MUC12: variants seen among roughly 807,000 people sequenced by gnomAD.
MUC12 encodes mucin-12.
Under a neutral mutation model 230.8 loss-of-function variants are expected in MUC12, and 172 were observed. That is an observed-to-expected ratio of 0.75 (90% CI 0.66 to 0.85). MUC12 has a LOEUF of 0.85. MUC12 is among the 40% of genes least tolerant of loss of function. MUC12 has a pLI of 0.00. For missense variants in MUC12, 3,506 were observed against 5,920.6 expected (o/e 0.59, Z 13.38); for synonymous variants, 1,259 against 2,401.9 (o/e 0.52, Z 13.91).
intron 1 of MUC12, among the ~76,000 whole-genome samples, chr7:100,984,514 C>T (rs553936268): frequency 6.6e-6 from 1 of 152,122 alleles, no homozygotes; most frequent in Non-Finnish European, 1.5e-5. Context: ...GCCTTGGCCT[C>T]CCAAAGTGCT....
At position 100,993,962 on chromosome 7, in the gene MUC12, T is replaced by A. The variant is rs774091763; in HGVS notation, c.3399T>A (p.Arg1133=). 2 of 1,381,074 alleles carry A rather than the reference T, an allele frequency of 1.4e-6. 1 individual carries two copies. Among genetic ancestry groups the A allele is most frequent in the Non-Finnish European group, 1.9e-6 (2 of 1,053,052 alleles). The allele number at this position is 1,381,074 out of a possible 1,614,324, so 85.6% of individuals were successfully genotyped here. ...TCGGTGAAGAATCCACCACCTCCCG[T>A]AGCCAACCAGGTTCTACTCACTCAA... ...LGVGEESTTS[R]SQPGSTHSTV... The change falls in exon 2 of 12, where the codon CGT becomes CGA. Residue 1133 remains arginine, a synonymous_variant. Coordinates refer to ENST00000536621, the MANE Select transcript of MUC12 (RefSeq NM_001164462.2).
At position 100,995,613 on chromosome 7, in the gene MUC12, G is replaced by C; in HGVS notation, c.5050G>C (p.Gly1684Arg). The change falls in exon 2 of 12, where the codon GGA (glycine) becomes CGA (arginine). Residue 1684 changes from glycine (G) to arginine (R), a missense_variant. Coordinates refer to ENST00000536621, the MANE Select transcript of MUC12 (RefSeq NM_001164462.2). Reference sequence around the variant, plus strand: ...CCCTGCCGGCTCTACAACACGTCAGGGAGAATCTACCACCTTCCAGAGCTG... The same window carrying C: ...CCCTGCCGGCTCTACAACACGTCAGCGAGAATCTACCACCTTCCAGAGCTG... ...LSPAGSTTRQ[G>R]ESTTFQSWPS... 1.3e-6 allele frequency: 2 copies of C among 1,536,898 alleles called. No homozygotes were observed. The highest frequency in any genetic ancestry group is 1.7e-6 in the Non-Finnish European group (2 of 1,147,040).
chr7:100,978,371 A>G (rs1793062176), intron 1 of MUC12, among the ~76,000 whole-genome samples: 1 of 152,188 alleles, frequency 6.6e-6, no homozygotes, highest in Non-Finnish European at 1.5e-5. Flanking sequence ...CAGAATGTGC[A>G]CCTAGAACTG....
At chr7:101,012,184 C>A in intron 5 of MUC12, 112 bp from the exon 6 acceptor site, 2 of 1,171,764 alleles carry the variant, frequency 1.7e-6, no homozygotes, top group Non-Finnish European at 2.4e-6. Flanking sequence ...TATTCTTTCT[C>A]ACCTCTGGGT....
At chr7:100,982,932 GAT>G (rs1328754427) in intron 1 of MUC12, among the ~76,000 whole-genome samples, 3 of 150,814 alleles carry the variant, frequency 2.0e-5, no homozygotes, top group Non-Finnish European at 3.0e-5. Flanking sequence ...ACAGGATCTT[GAT>G]ATGTTGCCCA....
At chr7:100,971,835 G>A (rs1298946359) in intron 1 of MUC12, among the ~76,000 whole-genome samples, 11 of 152,306 alleles carry the variant, frequency 7.2e-5, no homozygotes, top group African/African-American at 1.7e-4. Flanking sequence ...TGATGACAGC[G>A]ATGATGAAGG....
In MUC12 at chr7:101,006,526, C is replaced by T. The variant is rs1460174656; in HGVS notation, c.15012C>T (p.Gly5004=). 1.3e-5 allele frequency: 20 copies of T among 1,537,216 alleles called. No individual in the cohort carries two copies. Among genetic ancestry groups the T allele is most frequent in the Non-Finnish European group, 1.7e-5 (20 of 1,146,904 alleles). Residue 5004 remains glycine, a synonymous_variant, in exon 3 of 12, where the codon GGC becomes GGT. Transcript: ENST00000536621. ...WNGKQCVCPQ[G]YVGYQCLSPL... ...GAAAACAATGCGTCTGTCCCCAAGGCTACGTTGGTTACCAGTGCTTGTCCC... is the reference window on the plus strand; with the variant it reads ...GAAAACAATGCGTCTGTCCCCAAGGTTACGTTGGTTACCAGTGCTTGTCCC...
Position 100,991,005 on chromosome 7 carries a change from G to T in MUC12, c.442G>T (p.Asp148Tyr), listed in dbSNP as rs561595253. 3 of 1,537,830 alleles carry T rather than the reference G, an allele frequency of 2.0e-6. No individual in the cohort carries two copies. Among genetic ancestry groups the T allele is most frequent in the Admixed American group, 3.9e-5 (2 of 50,990 alleles). The change falls in exon 2 of 12, where the codon GAC becomes TAC. Residue 148 changes from aspartate (D) to tyrosine (Y), a missense_variant. Asp to Tyr is a radical substitution (Grantham distance 160, BLOSUM62 -3). Coordinates refer to ENST00000536621, the MANE Select transcript of MUC12 (RefSeq NM_001164462.2). The stretch of plus-strand genomic sequence containing the variant: ...CTTCTACAGTAGCCCCAGATCACCA[G>T]ACAGAACACTCTCACCTGCCCGCAC... ...TTFYSSPRSPDRTLSPARTTS... is the reference protein window; with the variant it reads ...TTFYSSPRSPYRTLSPARTTS...
In MUC12 at chr7:101,005,512, A is replaced by G; in HGVS notation, c.14949A>G (p.Leu4983=). ...TIVSTESLET[L]APGLCQEGQI... Reference sequence around the variant, plus strand: ...TGTCTACTGAAAGCCTGGAAACCTTAGCACCAGGTACTGCTCTTTCCATTT... The same window carrying G: ...TGTCTACTGAAAGCCTGGAAACCTTGGCACCAGGTACTGCTCTTTCCATTT... Residue 4983 remains leucine (L), a synonymous_variant, in exon 2 of 12, where the codon TTA becomes TTG. Transcript: ENST00000536621. 6.5e-7 allele frequency: 1 copy of G among 1,536,330 alleles called. No homozygotes were observed. The highest frequency in any genetic ancestry group is 2.4e-5 in the East Asian group (1 of 40,902).
chr7:101,010,502 A>G (rs904081412), intron 5 of MUC12, among the ~76,000 whole-genome samples: 1 of 151,884 alleles, frequency 6.6e-6, no homozygotes, highest in African/African-American at 2.4e-5. Context: ...GTGCTTGGCT[A>G]ATTTTTGTAA....
intron 9 of MUC12, among the ~76,000 whole-genome samples, chr7:101,015,022 T>A (rs1164328519): frequency 6.6e-6 from 1 of 152,188 alleles, no homozygotes; most frequent in African/African-American, 2.4e-5. Flanking sequence ...AGCACCTTCA[T>A]GACCTAATCA....
Position 100,969,692 on chromosome 7 carries a change from GAGTGCTCCTGGGCTGATGCTCCAGGTCC to G in MUC12, c.67+16_67+43del. 2 of 1,537,364 alleles carry G rather than the reference GAGTGCTCCTGGGCTGATGCTCCAGGTCC, an allele frequency of 1.3e-6. No individual in the cohort carries two copies. The highest frequency in any genetic ancestry group is 1.4e-5 in the African/African-American group (1 of 73,200). On this transcript the variant is annotated splice_donor_5th_base_variant and intron_variant, in intron 1 of 11. Transcript: ENST00000536621. ...GTCCGTTACTACAGTGACACCAGGT[GAGTGCTCCTGGGCTGATGCTCCAGGTCC>G]AGTGCTCCTGGGTGGTAATAGTACA...
intron 1 of MUC12, among the ~76,000 whole-genome samples, chr7:100,990,021 A>G (rs917795822): frequency 4.6e-5 from 7 of 152,326 alleles, no homozygotes; most frequent in African/African-American, 1.4e-4. Flanking sequence ...AATTACAGTC[A>G]AGACTCAGAA....
chr7:100,972,015 C>G (rs1309139458), intron 1 of MUC12: 3 of 700,986 alleles, frequency 4.3e-6, no homozygotes, highest in Non-Finnish European at 7.8e-6. Context: ...TATCTATGGC[C>G]AGTGCAGAGA....
chr7:101,009,696 A>G (rs1793812135), intron 5 of MUC12, among the ~76,000 whole-genome samples: 1 of 152,160 alleles, frequency 6.6e-6, no homozygotes, highest in East Asian at 1.9e-4. Context: ...GTAACAGCAA[A>G]ACTGAGGCTT....
chr7:101,004,875 G>T lies in MUC12; in HGVS notation c.14312G>T (p.Ser4771Ile), dbSNP rs1487920779. 6.5e-7 allele frequency: 1 copy of T among 1,537,664 alleles called. No individual in the cohort carries two copies. Among genetic ancestry groups the T allele is most frequent in the African/African-American group, 1.4e-5 (1 of 72,978 alleles). ...SISGEPTSLY[S>I]QAESTHTTAF... The stretch of plus-strand genomic sequence containing the variant: ...AGTGGAGAACCCACCAGCTTGTATA[G>T]CCAAGCAGAGTCAACACACACAACA... The change falls in exon 2 of 12, where the codon AGC becomes ATC. Residue 4771 changes from serine (S) to isoleucine (I), a missense_variant. Ser to Ile is a moderately radical substitution (Grantham distance 142). Transcript: ENST00000536621.
At position 101,012,309 on chromosome 7, in the gene MUC12, G is replaced by A. The variant is rs1349885446; in HGVS notation, c.15265G>A (p.Val5089Met). The stretch of plus-strand genomic sequence containing the variant: ...TCCCACTTCCAGCAACGGTAGCATC[G>A]TGGTCAAGAACGATGTCATCCTGGA... ...NIRRLLNGSIVVKNDVILEAD... is the reference protein window; with the variant it reads ...NIRRLLNGSIMVKNDVILEAD... The change falls in exon 6 of 12, where the codon GTG (valine) becomes ATG (methionine). Residue 5089 changes from valine (V) to methionine (M), a missense_variant. Val to Met is a conservative substitution (Grantham distance 21, BLOSUM62 1). Transcript: ENST00000536621. 3.9e-6 allele frequency: 6 copies of A among 1,537,088 alleles called. No homozygotes were observed. The highest frequency in any genetic ancestry group is 5.2e-6 in the Non-Finnish European group (6 of 1,146,876).
chr7:101,008,243 C>T (rs1017244006), intron 3 of MUC12, among the ~76,000 whole-genome samples: 1 of 152,122 alleles, frequency 6.6e-6, no homozygotes, highest in Non-Finnish European at 1.5e-5. Context: ...CCTCTGGCCT[C>T]AGCCTTCCGA....
chr7:100,970,614 C>T (rs1367755014), intron 1 of MUC12, among the ~76,000 whole-genome samples: 2 of 152,038 alleles, frequency 1.3e-5, no homozygotes, highest in Admixed American at 6.5e-5. Context: ...AGGGTCTCGC[C>T]TGCAATCCTA....
Sources: allele counts gnomAD v4.1 joint callset (sites outside exome capture counted in the v4.1 genomes callset), GRCh38; gene constraint gnomAD v4.1.1; transcripts MANE v1.5; gene names NCBI Gene and HGNC (gene_info 2026-07-23, HGNC 2026-07-21).